THSD7B: variants seen among roughly 807,000 people sequenced by gnomAD.
The protein encoded by THSD7B is thrombospondin type 1 domain containing 7B, also known as thrombospondin type-1 domain-containing protein 7B.
In THSD7B, 138 loss-of-function variants were observed where a neutral mutation model predicts 213.6. That is an observed-to-expected ratio of 0.65 (90% CI 0.56 to 0.74). The LOEUF is 0.74. THSD7B is among the 30% of genes least tolerant of loss of function. THSD7B has a pLI of 0.00. For missense variants in THSD7B, 1,931 were observed against 1,991.5 expected, an observed-to-expected ratio of 0.97 and a Z score of 0.58; for synonymous variants, 742 against 687.0, an observed-to-expected ratio of 1.08 and a Z score of -1.25.
intron 7 of THSD7B, among the ~76,000 whole-genome samples, chr2:137,220,843 C>G (rs907486779): frequency 6.6e-6 from 1 of 152,044 alleles, no homozygotes; most frequent in Non-Finnish European, 1.5e-5. Context: ...TATTCAGCAA[C>G]AAAAAAGAAT....
intron 1 of THSD7B, among the ~76,000 whole-genome samples, chr2:136,834,398 G>A (rs1429490078): frequency 6.6e-6 from 1 of 152,176 alleles, no homozygotes; most frequent in Non-Finnish European, 1.5e-5. Flanking sequence ...TAGTGGTAGA[G>A]TCTTCTCAGT....
intron 1 of THSD7B, among the ~76,000 whole-genome samples, chr2:136,846,938 T>C (rs577029159): frequency 2.0e-5 from 3 of 152,172 alleles, no homozygotes; most frequent in Non-Finnish European, 4.4e-5. Context: ...TGTGTAATCA[T>C]ATGGGTTATT....
intron 12 of THSD7B, among the ~76,000 whole-genome samples, chr2:137,362,397 T>C (rs533332974): frequency 2.0e-5 from 3 of 152,276 alleles, no homozygotes; most frequent in Admixed American, 2.0e-4. Flanking sequence ...TAACCTTAAA[T>C]GTGAATGGGC....
At chr2:137,380,263 A>AT (rs1685744318) in intron 12 of THSD7B, among the ~76,000 whole-genome samples, 1 of 151,726 alleles carries the variant, frequency 6.6e-6, no homozygotes, top group Admixed American at 6.6e-5. Context: ...AATAGAAAAA[A>AT]AAAAAAATAG....
chr2:137,106,773 A>G (rs150634933), intron 4 of THSD7B, among the ~76,000 whole-genome samples: 1 of 152,374 alleles, frequency 6.6e-6, no homozygotes, highest in East Asian at 1.9e-4. Context: ...TTATGCGGCC[A>G]ACAAACATAT....
intron 1 of THSD7B, among the ~76,000 whole-genome samples, chr2:136,838,185 G>A (rs952584211): frequency 2.6e-5 from 4 of 152,184 alleles, no homozygotes; most frequent in African/African-American, 9.7e-5. Context: ...CGATTAACAA[G>A]TGACCACATT....
chr2:136,913,863 G>A (rs1339002771), intron 2 of THSD7B, among the ~76,000 whole-genome samples: 2 of 152,252 alleles, frequency 1.3e-5, no homozygotes, highest in Non-Finnish European at 2.9e-5. Context: ...CAGTGCAGAA[G>A]GGAAATGTGG....
At chr2:137,214,202 G>A (rs1681182327) in intron 7 of THSD7B, among the ~76,000 whole-genome samples, 4 of 152,052 alleles carry the variant, frequency 2.6e-5, no homozygotes, top group Admixed American at 2.6e-4. Flanking sequence ...GGAAATAAAA[G>A]CATTTAACAT....
chr2:137,211,482 ATG>A (rs1166776248), intron 7 of THSD7B, among the ~76,000 whole-genome samples: 4 of 152,160 alleles, frequency 2.6e-5, no homozygotes, highest in Non-Finnish European at 4.4e-5. Flanking sequence ...AGTGTAATAT[ATG>A]TGTTATGTAA....
At chr2:137,132,993 A>T (rs552917601) in intron 5 of THSD7B, among the ~76,000 whole-genome samples, 104 of 152,260 alleles carry the variant, frequency 6.8e-4, no homozygotes, top group African/African-American at 2.1e-3. Flanking sequence ...CATTTTTCTC[A>T]TGGGTCATAT....
At chr2:137,589,070 G>T (rs183767862) in intron 17 of THSD7B, among the ~76,000 whole-genome samples, 1 of 152,116 alleles carries the variant, frequency 6.6e-6, no homozygotes, top group East Asian at 1.9e-4. Flanking sequence ...GTGAGCCACC[G>T]CACCTGGCCA....
At chr2:136,845,662 A>G (rs1353572732) in intron 1 of THSD7B, among the ~76,000 whole-genome samples, 2 of 152,196 alleles carry the variant, frequency 1.3e-5, no homozygotes, top group Admixed American at 1.3e-4. Flanking sequence ...ACTGTTATGT[A>G]AGCAATTACA....
intron 7 of THSD7B, among the ~76,000 whole-genome samples, chr2:137,205,416 G>A (rs1036956734): frequency 8.6e-5 from 13 of 152,008 alleles, no homozygotes; most frequent in African/African-American, 3.1e-4. Context: ...GCTGAAAAAT[G>A]TTCAAATAAA....
chr2:137,555,993 A>T (rs563558006), intron 15 of THSD7B, among the ~76,000 whole-genome samples: 2 of 152,346 alleles, frequency 1.3e-5, no homozygotes, highest in South Asian at 4.1e-4. Context: ...AGTTTAGAGA[A>T]AGAAGAGAAA....
intron 17 of THSD7B, among the ~76,000 whole-genome samples, chr2:137,584,230 G>A (rs1054983013): frequency 2.6e-5 from 4 of 152,198 alleles, no homozygotes; most frequent in African/African-American, 9.7e-5. Context: ...AGCTTAAGGA[G>A]ATTTTGGGTT....
At position 136,912,308 on chromosome 2, in the gene THSD7B, C is replaced by T. The variant is rs184792437; in HGVS notation, c.139+29991C>T. ...CTGCACTCCAGCCTGGGTGACAGAG[C>T]GAGACTCCATCTCAAAAAAAAAAAA... On this transcript the variant is annotated intron_variant, in intron 2 of 27. Transcript: ENST00000409968. Among the ~76,000 whole-genome samples, 12 of 112,672 alleles carry T rather than the reference C, an allele frequency of 1.1e-4. No individual in the cohort carries two copies. The East Asian group carries it at 1.3e-3, about 12-fold the overall frequency. The allele number at this position is 112,672 out of a possible 152,430, so 73.9% of individuals were successfully genotyped here. A position where few individuals can be genotyped will look rare whatever the true frequency, so the allele number is the denominator to read the frequency against.
At chr2:137,483,880 A>G (rs2105109554) in intron 15 of THSD7B, among the ~76,000 whole-genome samples, 1 of 152,250 alleles carries the variant, frequency 6.6e-6, no homozygotes, top group Admixed American at 6.5e-5. Context: ...AACTTGAGGG[A>G]GCGAGACCTA....
chr2:137,330,598 T>C (rs1341962494), intron 12 of THSD7B, among the ~76,000 whole-genome samples: 2 of 152,084 alleles, frequency 1.3e-5, no homozygotes, highest in African/African-American at 4.8e-5. Context: ...GTGAGTGTTA[T>C]AGCTCTTAAG....
intron 1 of THSD7B, among the ~76,000 whole-genome samples, chr2:136,850,169 T>A (rs1397974903): frequency 1.1e-4 from 17 of 152,090 alleles, no homozygotes; most frequent in Admixed American, 9.8e-4. Flanking sequence ...TCACTTAATC[T>A]TATGTGTTTT....
Sources: gnomAD v4.1 joint callset for allele counts (sites outside exome capture counted in the v4.1 genomes callset) on GRCh38, gnomAD v4.1.1 for gene constraint, MANE v1.5 for transcripts, NCBI Gene and HGNC (gene_info 2026-07-23, HGNC 2026-07-21) for gene names.